The following NKAIN3 variants were observed in gnomAD, a reference collection of about 807,000 sequenced individuals.
The protein encoded by NKAIN3 is sodium/potassium-transporting ATPase subunit beta-1-interacting protein 3.
In NKAIN3, 25 loss-of-function variants were observed where a neutral mutation model predicts 30.2. The observed-to-expected ratio is 0.83, with a 90% CI of 0.60 to 1.16. NKAIN3 has a LOEUF of 1.16. Ranked by LOEUF, NKAIN3 falls within the 50% of genes most tolerant of loss-of-function variation. The pLI, the probability that NKAIN3 is intolerant of heterozygous loss-of-function variation, is 0.00. For synonymous variants in NKAIN3, 91 were observed against 89.6 expected, an observed-to-expected ratio of 1.02 and a Z score of -0.09; for missense variants, 225 against 254.1, an observed-to-expected ratio of 0.89 and a Z score of 0.78.
chr8:62,556,128 T>C (rs1459361505), intron 1 of NKAIN3, among the ~76,000 whole-genome samples: 2 of 151,968 alleles, frequency 1.3e-5, no homozygotes, highest in East Asian at 1.9e-4. Context: ...TGTATATATA[T>C]TGGTAAACCA....
rs548501228 is a variant in NKAIN3 at position 62,312,400 on chromosome 8, T to C, written c.54+63273T>C. On this transcript the variant is annotated intron_variant, in intron 1 of 6. Transcript: ENST00000623646. ...GAGCACTGTCAATTCTGGCTGCCCT[T>C]GGATTGCATGAGCCACTTCACTGGC... is the stretch of plus-strand genomic sequence containing the variant. Among the ~76,000 whole-genome samples, 72 of 150,652 alleles carry C rather than the reference T, an allele frequency of 4.8e-4. 7 individuals are homozygous for C. Among genetic ancestry groups the C allele is most frequent in the Middle Eastern group, 3.4e-3 (1 of 294 alleles).
At position 62,395,231 on chromosome 8, in the gene NKAIN3, G is replaced by T. The variant is rs115422810; in HGVS notation, c.54+146104G>T. On this transcript the variant is annotated intron_variant, in intron 1 of 6. Coordinates refer to ENST00000623646, the MANE Select transcript of NKAIN3 (RefSeq NM_001304533.3). ...TCACTTCCCAGACCGAGGGAGGTGCGGGGAGAGGTGGCCAGGCAGAGGCGC... is the reference window on the plus strand; with the variant it reads ...TCACTTCCCAGACCGAGGGAGGTGCTGGGAGAGGTGGCCAGGCAGAGGCGC... 6.2e-3 allele frequency among the ~76,000 whole-genome samples: 873 copies of T among 141,572 alleles called. 9 individuals carry two copies. The highest frequency in any genetic ancestry group is 0.021 in the African/African-American group (797 of 38,064). 92.9% of individuals were successfully genotyped at this position (141,572 alleles called of 152,430 possible). A position where few individuals can be genotyped will look rare whatever the true frequency, so the allele number is the denominator to read the frequency against.
chr8:62,644,210 C>T (rs1563497441), intron 3 of NKAIN3, among the ~76,000 whole-genome samples: 1 of 152,108 alleles, frequency 6.6e-6, no homozygotes, highest in Non-Finnish European at 1.5e-5. Flanking sequence ...GTGACATCCT[C>T]ACTGCTCCTG....
chr8:62,692,801 A>G (rs1318270646), intron 3 of NKAIN3, among the ~76,000 whole-genome samples: 1 of 152,198 alleles, frequency 6.6e-6, no homozygotes, highest in Non-Finnish European at 1.5e-5. Flanking sequence ...CACTTCATTA[A>G]TTTTCACTAA....
intron 6 of NKAIN3, among the ~76,000 whole-genome samples, chr8:62,956,170 C>T (rs751901007): frequency 1.3e-5 from 2 of 152,032 alleles, no homozygotes; most frequent in Non-Finnish European, 2.9e-5. Flanking sequence ...TTAATAAGCC[C>T]GTTATATTGA....
intron 3 of NKAIN3, among the ~76,000 whole-genome samples, chr8:62,593,840 A>G (rs1257261597): frequency 6.6e-6 from 1 of 152,040 alleles, no homozygotes; most frequent in Non-Finnish European, 1.5e-5. Context: ...ACTTAGAACA[A>G]AAGGCAATAG....
intron 1 of NKAIN3, among the ~76,000 whole-genome samples, chr8:62,411,725 T>A (rs1014107736): frequency 6.6e-6 from 1 of 152,078 alleles, no homozygotes; most frequent in Non-Finnish European, 1.5e-5. Context: ...TACAAGACAG[T>A]GTACAATAAT....
chr8:62,322,364 A>G (rs1202933156), intron 1 of NKAIN3, among the ~76,000 whole-genome samples: 1 of 152,074 alleles, frequency 6.6e-6, no homozygotes, highest in Non-Finnish European at 1.5e-5. Flanking sequence ...CTCCCCAGTG[A>G]GATGAACCCA....
chr8:62,541,025 GC>G lies in NKAIN3; in HGVS notation c.55-38512del, dbSNP rs377447293. 7.2e-4 allele frequency among the ~76,000 whole-genome samples: 109 copies of G among 152,208 alleles called. 1 individual carries two copies. In the Middle Eastern group the frequency reaches 0.024, roughly 33 times the overall value. The stretch of plus-strand genomic sequence containing the variant: ...CCAGTGTTGGATTAAAAAGTCCAGA[GC>G]CAACCAGGCTCAGTGGCTAATGCTT... On this transcript the variant is annotated intron_variant, in intron 1 of 6. Transcript: ENST00000623646.
intron 1 of NKAIN3, among the ~76,000 whole-genome samples, chr8:62,401,140 CTCTG>C (rs367663452): frequency 2.7e-3 from 413 of 151,880 alleles, no homozygotes; most frequent in South Asian, 0.014. Context: ...CTTTTGTCTT[CTCTG>C]TCTGTGTATT....
intron 2 of NKAIN3, among the ~76,000 whole-genome samples, chr8:62,584,550 C>T (rs1370881332): frequency 6.6e-6 from 1 of 152,194 alleles, no homozygotes; most frequent in Non-Finnish European, 1.5e-5. Flanking sequence ...TCTTTATCTA[C>T]TTCTCCAGCA....
At chr8:62,787,968 T>G (rs963832061) in intron 4 of NKAIN3, among the ~76,000 whole-genome samples, 6 of 152,164 alleles carry the variant, frequency 3.9e-5, no homozygotes, top group Non-Finnish European at 7.3e-5. Context: ...TTTGCTATTG[T>G]GAATAGTGCC....
chr8:62,844,100 T>C (rs1563589202), intron 4 of NKAIN3, among the ~76,000 whole-genome samples: 1 of 152,194 alleles, frequency 6.6e-6, no homozygotes, highest in Non-Finnish European at 1.5e-5. Context: ...GTAACAGTAG[T>C]TGCCAATGCA....
chr8:62,833,325 A>T (rs1317398643), intron 4 of NKAIN3, among the ~76,000 whole-genome samples: 1 of 152,020 alleles, frequency 6.6e-6, no homozygotes, highest in Non-Finnish European at 1.5e-5. Flanking sequence ...GAATAACCAA[A>T]ATCAGAGCAG....
At chr8:62,310,381 C>T (rs1239788563) in intron 1 of NKAIN3, among the ~76,000 whole-genome samples, 1 of 150,478 alleles carries the variant, frequency 6.6e-6, no homozygotes, top group Non-Finnish European at 1.5e-5. Context: ...GGAAAGGTAA[C>T]TGTGTTTAAA....
chr8:62,429,110 G>C (rs1211444760), intron 1 of NKAIN3, among the ~76,000 whole-genome samples: 1 of 151,734 alleles, frequency 6.6e-6, no homozygotes, highest in African/African-American at 2.4e-5. Context: ...GTATGTTCTT[G>C]GTTACTTGGT....
chr8:62,506,199 A>G (rs1222599621), intron 1 of NKAIN3, among the ~76,000 whole-genome samples: 2 of 136,032 alleles, frequency 1.5e-5, no homozygotes, highest in African/African-American at 5.3e-5. Context: ...TAATATATTT[A>G]CAGGTTTCAG....
At chr8:62,256,259 A>AT (rs1812257545) in intron 1 of NKAIN3, among the ~76,000 whole-genome samples, 2 of 151,612 alleles carry the variant, frequency 1.3e-5, no homozygotes, top group African/African-American at 4.9e-5. Context: ...TAAAAAAAAA[A>AT]TTTAAAAAAA....
At chr8:62,334,771 T>C (rs1380436515) in intron 1 of NKAIN3, among the ~76,000 whole-genome samples, 2 of 152,062 alleles carry the variant, frequency 1.3e-5, no homozygotes, top group African/African-American at 4.8e-5. Flanking sequence ...CCTGGTGGTA[T>C]CCAGTTAATG....
Sources: gnomAD v4.1 joint callset for allele counts (sites outside exome capture counted in the v4.1 genomes callset) on GRCh38, gnomAD v4.1.1 for gene constraint, MANE v1.5 for transcripts, NCBI Gene and HGNC (gene_info 2026-07-23, HGNC 2026-07-21) for gene names.